Variants in NUSAP1 observed in about 807,000 individuals in gnomAD.
The protein encoded by NUSAP1 is nucleolar and spindle-associated protein 1.
A neutral mutation model predicts 52.8 loss-of-function variants in NUSAP1; 32 were observed. That is an observed-to-expected ratio of 0.61 (90% CI 0.46 to 0.81). The LOEUF (loss-of-function observed/expected upper bound fraction) is 0.81. Ranked by LOEUF, NUSAP1 falls within the 40% of genes least tolerant of loss-of-function variation. NUSAP1 has a pLI of 0.00. For missense variants in NUSAP1, 499 were observed against 522.3 expected, an observed-to-expected ratio of 0.96 and a Z score of 0.43; for synonymous variants, 195 against 183.1, an observed-to-expected ratio of 1.06 and a Z score of -0.52.
intron 2 of NUSAP1, among the ~76,000 whole-genome samples, chr15:41,343,642 C>T (rs2048446667): frequency 6.6e-6 from 1 of 152,002 alleles, no homozygotes; most frequent in Non-Finnish European, 1.5e-5. Flanking sequence ...GGGTGAGCCA[C>T]CATGCCCGGC....
chr15:41,356,199 G>A (rs1003001088), intron 5 of NUSAP1, 59 bp downstream of exon 5: 5 of 931,840 alleles, frequency 5.4e-6, no homozygotes, highest in African/African-American at 3.3e-5. Context: ...GAATGATGTT[G>A]GACTGTAACA....
At chr15:41,375,153 A>G (rs570611223) in intron 8 of NUSAP1, among the ~76,000 whole-genome samples, 1 of 147,618 alleles carries the variant, frequency 6.8e-6, no homozygotes, top group South Asian at 2.1e-4. Flanking sequence ...GACTACAGGC[A>G]TGCACCACCA....
chr15:41,365,388 C>A lies in NUSAP1; in HGVS notation c.661-14C>A. ...GAGAGGCCAAGCTTTTAAAATGATG[C>A]ATTTTCTCTTCAGCAGCAGCCCATC... On this transcript the variant is annotated splice_polypyrimidine_tract_variant and intron_variant, in intron 6 of 10. Coordinates refer to ENST00000559596, the MANE Select transcript of NUSAP1 (RefSeq NM_016359.5). 6.3e-7 allele frequency: 1 copy of A among 1,586,448 alleles called. No homozygotes were observed. Among genetic ancestry groups the A allele is most frequent in the South Asian group, 1.1e-5 (1 of 88,454 alleles).
chr15:41,369,648 A>G (rs918797576), intron 7 of NUSAP1, among the ~76,000 whole-genome samples: 1 of 147,908 alleles, frequency 6.8e-6, no homozygotes, highest in Non-Finnish European at 1.5e-5. Flanking sequence ...AACATTGTCT[A>G]AAAAAAAAAG....
At chr15:41,345,247 A>C (rs1435689338) in intron 2 of NUSAP1, among the ~76,000 whole-genome samples, 1 of 151,614 alleles carries the variant, frequency 6.6e-6, no homozygotes, top group Non-Finnish European at 1.5e-5. Context: ...TAGTTTGCCT[A>C]CCTCTGCCTC....
chr15:41,367,177 T>C (rs546270473), intron 7 of NUSAP1, among the ~76,000 whole-genome samples: 1 of 152,320 alleles, frequency 6.6e-6, no homozygotes, highest in South Asian at 2.1e-4. Context: ...TCTCAGGCCC[T>C]TACTAGGAGT....
At chr15:41,357,591 G>A (rs1205245555) in intron 5 of NUSAP1, among the ~76,000 whole-genome samples, 1 of 151,726 alleles carries the variant, frequency 6.6e-6, no homozygotes, top group African/African-American at 2.4e-5. Flanking sequence ...TTACAGGCGT[G>A]CGCCACCACA....
At chr15:41,365,110 T>C (rs1389495130) in intron 6 of NUSAP1, among the ~76,000 whole-genome samples, 1 of 152,114 alleles carries the variant, frequency 6.6e-6, no homozygotes, top group Non-Finnish European at 1.5e-5. Flanking sequence ...ATGGAAACGC[T>C]CTTCTGAACT....
intron 9 of NUSAP1, 107 bp from the exon 10 acceptor site, chr15:41,377,089 A>G: frequency 1.6e-6 from 1 of 640,046 alleles, no homozygotes. Context: ...TCAAAGAAAA[A>G]AAAAGTATAA....
intron 2 of NUSAP1, chr15:41,345,647 C>CTAAAAT: frequency 1.9e-5 from 5 of 264,264 alleles, no homozygotes; most frequent in South Asian, 1.6e-4. Flanking sequence ...TTAGTAGAGA[C>CTAAAAT]GGGGTTTCAC....
chr15:41,378,045 T>C (rs908350940), intron 10 of NUSAP1, among the ~76,000 whole-genome samples: 1 of 151,408 alleles, frequency 6.6e-6, no homozygotes, highest in Non-Finnish European at 1.5e-5. Context: ...TCTGCCTAGG[T>C]TCCAGTGTAA....
chr15:41,369,004 G>T (rs1035699393), intron 7 of NUSAP1, among the ~76,000 whole-genome samples: 1 of 151,564 alleles, frequency 6.6e-6, no homozygotes, highest in African/African-American at 2.4e-5. Context: ...CACCTGCCTT[G>T]CCCTCCCAAA....
intron 4 of NUSAP1, among the ~76,000 whole-genome samples, chr15:41,352,573 T>A (rs2048815404): frequency 6.6e-6 from 1 of 151,940 alleles, no homozygotes; most frequent in Admixed American, 6.6e-5. Flanking sequence ...AGGTAATTTT[T>A]AATTTTTATT....
intron 7 of NUSAP1, among the ~76,000 whole-genome samples, chr15:41,370,622 T>A (rs1313279644): frequency 1.3e-5 from 2 of 151,364 alleles, no homozygotes; most frequent in African/African-American, 4.9e-5. Flanking sequence ...TGGTGGCGCA[T>A]GCCTGTAATC....
intron 5 of NUSAP1, among the ~76,000 whole-genome samples, 200 bp downstream of exon 5, chr15:41,356,340 G>GTGCCTATT (rs1238492911): frequency 2.0e-5 from 3 of 146,612 alleles, no homozygotes; most frequent in African/African-American, 7.6e-5. Flanking sequence ...TTATACTATA[G>GTGCCTATT]TGCCTATTTC....
intron 6 of NUSAP1, among the ~76,000 whole-genome samples, chr15:41,360,793 C>CTTTTTTT (rs1180569684): frequency 8.5e-6 from 1 of 117,026 alleles, no homozygotes; most frequent in African/African-American, 3.2e-5. Context: ...GTTTATCCAT[C>CTTTTTTT]TTTTTTTTTT....
At chr15:41,342,846 A>C (rs990225810) in intron 2 of NUSAP1, among the ~76,000 whole-genome samples, 1 of 151,998 alleles carries the variant, frequency 6.6e-6, no homozygotes, top group African/African-American at 2.4e-5. Flanking sequence ...TCAAAAAACA[A>C]AAAAAAAGAT....
Position 41,380,440 on chromosome 15 carries a change from A to T in NUSAP1, c.*254A>T, listed in dbSNP as rs2050165444. ...CAGGTTTCTAACGAGACCCATCCTA[A>T]AATTCTGTTTCTAGATTTTTAATGT... is the stretch of plus-strand genomic sequence containing the variant. On this transcript the variant is annotated 3_prime_UTR_variant, in exon 11 of 11. Transcript: ENST00000559596. 3.8e-6 allele frequency: 1 copy of T among 260,186 alleles called. No individual in the cohort carries two copies. The highest frequency in any genetic ancestry group is 2.3e-5 in the African/African-American group (1 of 44,152). 16.1% of individuals were successfully genotyped at this position (260,186 alleles called of 1,614,324 possible).
At chr15:41,379,431 G>C (rs2050122170) in intron 10 of NUSAP1, among the ~76,000 whole-genome samples, 1 of 152,074 alleles carries the variant, frequency 6.6e-6, no homozygotes, top group Non-Finnish European at 1.5e-5. Flanking sequence ...CAAAATGCTG[G>C]GATTATAGGT....
Sources: gnomAD v4.1 joint callset for allele counts (sites outside exome capture counted in the v4.1 genomes callset) on GRCh38, gnomAD v4.1.1 for gene constraint, MANE v1.5 for transcripts, NCBI Gene and HGNC (gene_info 2026-07-23, HGNC 2026-07-21) for gene names.